The following ROS1 variants were observed in gnomAD, a reference collection of about 807,000 sequenced individuals.
ROS1 encodes the protein proto-oncogene tyrosine-protein kinase ROS.
In ROS1, 263 loss-of-function variants were observed where a neutral mutation model predicts 273.5. The ratio of observed to expected loss-of-function variants is 0.96; its 90% CI spans 0.87 to 1.06. The LOEUF (loss-of-function observed/expected upper bound fraction) is 1.06. Among genes scored for constraint, ROS1 ranks in the 50% least tolerant of loss-of-function variants. ROS1 has a pLI of 0.00. For missense variants in ROS1, 2,833 were observed against 2,751.1 expected, an observed-to-expected ratio of 1.03 and a Z score of -0.67; for synonymous variants, 1,008 against 954.1, an observed-to-expected ratio of 1.06 and a Z score of -1.04.
At chr6:117,326,911 C>T (rs1259104063) in intron 33 of ROS1, among the ~76,000 whole-genome samples, 2 of 152,152 alleles carry the variant, frequency 1.3e-5, no homozygotes, top group African/African-American at 4.8e-5. Flanking sequence ...CTCGTTGCTT[C>T]CTTTTGTATT....
rs775496633 is a variant in ROS1, at chr6:117,425,782, A to G, written c.-126T>C. The G allele has an allele frequency of 5.8e-5, 56 of 962,674 alleles. No individual in the cohort carries two copies. Among genetic ancestry groups the G allele is most frequent in the Non-Finnish European group, 8.4e-5 (53 of 631,206 alleles). 59.6% of individuals were successfully genotyped at this position (962,674 alleles called of 1,614,324 possible). A position where few individuals can be genotyped will look rare whatever the true frequency, so the allele number is the denominator to read the frequency against. Reference sequence around the variant, plus strand: ...TGGATTTTGCTTTGTTTGTTTTGCTATATTAGGATATACTTGCCTTTTGAA... The same window carrying G: ...TGGATTTTGCTTTGTTTGTTTTGCTGTATTAGGATATACTTGCCTTTTGAA... On this transcript the variant is annotated 5_prime_UTR_variant, in exon 1 of 44. Transcript: ENST00000368507.
chr6:117,343,170 G>A (rs939646594), intron 28 of ROS1, among the ~76,000 whole-genome samples: 2 of 151,912 alleles, frequency 1.3e-5, no homozygotes, highest in African/African-American at 4.8e-5. Context: ...AAGACAATAA[G>A]ATAGATTAAA....
intron 7 of ROS1, among the ~76,000 whole-genome samples, chr6:117,401,905 A>G (rs372435235): frequency 1.3e-5 from 2 of 152,130 alleles, no homozygotes; most frequent in South Asian, 4.2e-4. Context: ...GACTAAAATT[A>G]CATCAAGAAA....
intron 42 of ROS1, among the ~76,000 whole-genome samples, chr6:117,304,001 T>G (rs75309408): frequency 8.5e-5 from 13 of 152,314 alleles, no homozygotes; most frequent in Non-Finnish European, 1.6e-4. Flanking sequence ...AGGTCAGAGT[T>G]GGTACACCAT....
intron 10 of ROS1, 94 bp downstream of exon 10, chr6:117,394,522 C>A (rs1327832157): frequency 3.8e-6 from 4 of 1,066,128 alleles, no homozygotes; most frequent in South Asian, 2.8e-5. Context: ...AGAATATGTT[C>A]CAGAAATATT....
intron 26 of ROS1, among the ~76,000 whole-genome samples, chr6:117,354,963 C>G (rs1779184401): frequency 6.6e-6 from 1 of 152,136 alleles, no homozygotes; most frequent in South Asian, 2.1e-4. Flanking sequence ...TAGAGCAATC[C>G]TTATTAAATT....
At chr6:117,349,534 T>G (rs1778640589) in intron 27 of ROS1, among the ~76,000 whole-genome samples, 1 of 152,032 alleles carries the variant, frequency 6.6e-6, no homozygotes, top group South Asian at 2.1e-4. Flanking sequence ...CTTCTGTCTT[T>G]TAGTTGGTGT....
chr6:117,421,704 T>C (rs536009983), intron 1 of ROS1, among the ~76,000 whole-genome samples: 67 of 152,336 alleles, frequency 4.4e-4, no homozygotes, highest in Non-Finnish European at 7.3e-4. Context: ...TGGCTGTTTA[T>C]ATTCTAAATT....
Position 117,383,298 on chromosome 6 carries a change from A to G in ROS1, c.2481+19T>C. ...AGCTATTCAGTATTACTAAATGATC[A>G]GATCTTTTAATTTGTCACCTTTTTC... On this transcript the variant is annotated intron_variant, in intron 17 of 43. Coordinates refer to ENST00000368507, the MANE Select transcript of ROS1 (RefSeq NM_001378902.1). The G allele has an allele frequency of 1.3e-6, 2 of 1,585,038 alleles. No homozygotes were observed. Among genetic ancestry groups the G allele is most frequent in the Non-Finnish European group, 1.7e-6 (2 of 1,154,166 alleles).
At chr6:117,385,287 G>A (rs897253573) in intron 16 of ROS1, among the ~76,000 whole-genome samples, 10 of 152,188 alleles carry the variant, frequency 6.6e-5, no homozygotes, top group African/African-American at 2.4e-4. Context: ...GGGAGCGGTG[G>A]CTCACGCCTG....
chr6:117,338,551 G>A (rs1227042217), intron 31 of ROS1, among the ~76,000 whole-genome samples: 3 of 134,432 alleles, frequency 2.2e-5, no homozygotes, highest in Non-Finnish European at 1.7e-5. Context: ...AAAAAAAAAA[G>A]TCTTAACTCT....
chr6:117,360,064 T>TA (rs1217560411), intron 23 of ROS1, 53 bp from the exon 24 acceptor site: 2 of 1,420,672 alleles, frequency 1.4e-6, no homozygotes, highest in Non-Finnish European at 2.0e-6. Flanking sequence ...GACTTTAGCT[T>TA]AGCAAAGTCT....
intron 21 of ROS1, among the ~76,000 whole-genome samples, chr6:117,364,578 C>T (rs3777972): frequency 0.16 from 24,488 of 152,140 alleles, 2,164 homozygotes; most frequent in South Asian, 0.29. Flanking sequence ...AGGAGTGATA[C>T]ATAAAAATGT....
chr6:117,321,487 G>T (rs2128564062), intron 35 of ROS1, 93 bp from the exon 36 acceptor site: 1 of 1,017,692 alleles, frequency 9.8e-7, no homozygotes, highest in Non-Finnish European at 1.4e-6. Context: ...GTGTTTTTAT[G>T]CAAGAACACT....
At chr6:117,388,354 T>C (rs1772767792) in intron 13 of ROS1, among the ~76,000 whole-genome samples, 1 of 152,214 alleles carries the variant, frequency 6.6e-6, no homozygotes, top group Non-Finnish European at 1.5e-5. Context: ...TAATTACCAC[T>C]GTTTGTATAG....
intron 18 of ROS1, among the ~76,000 whole-genome samples, chr6:117,367,988 C>T (rs1433331072): frequency 6.6e-6 from 1 of 152,128 alleles, no homozygotes; most frequent in Admixed American, 6.5e-5. Context: ...ATTTACCTGC[C>T]ATTTATTATC....
chr6:117,405,658 G>A (rs1053900699), intron 5 of ROS1, among the ~76,000 whole-genome samples: 2 of 151,152 alleles, frequency 1.3e-5, no homozygotes, highest in East Asian at 3.9e-4. Context: ...AAGCCATGGT[G>A]ATACATATGA....
intron 43 of ROS1, among the ~76,000 whole-genome samples, chr6:117,297,342 G>C (rs906050334): frequency 1.3e-5 from 2 of 152,140 alleles, no homozygotes; most frequent in African/African-American, 4.8e-5. Flanking sequence ...TGAAAGCACA[G>C]GCAACATGAA....
In ROS1 at chr6:117,385,753, A is replaced by T. The variant is rs764906451; in HGVS notation, c.2219T>A (p.Ile740Asn). The T allele has an allele frequency of 6.2e-7, 1 of 1,614,212 alleles. No individual in the cohort carries two copies. The highest frequency in any genetic ancestry group is 2.2e-5 in the East Asian group (1 of 44,882). ...DISENYHLPSIAGAGALAFEW... is the reference protein window; with the variant it reads ...DISENYHLPSNAGAGALAFEW... ...AAAAGCTAAAGCCCCTGCTCCTGCA[A>T]TGCTGGGTAGGTGATAATTCTCTGA... The change falls in exon 16 of 44, where the codon ATT (isoleucine) becomes AAT (asparagine). Residue 740 changes from isoleucine to asparagine, a missense_variant. By Grantham distance (149) the Ile-to-Asn change is moderately radical (BLOSUM62 -3). Coordinates refer to ENST00000368507, the MANE Select transcript of ROS1 (RefSeq NM_001378902.1).
Sources: gnomAD v4.1 joint callset for allele counts (sites outside exome capture counted in the v4.1 genomes callset) on GRCh38, gnomAD v4.1.1 for gene constraint, MANE v1.5 for transcripts, NCBI Gene and HGNC (gene_info 2026-07-23, HGNC 2026-07-21) for gene names.